MND1: variants seen among roughly 807,000 people sequenced by gnomAD.
MND1 encodes meiotic nuclear division protein 1 homolog.
A neutral mutation model predicts 35.1 loss-of-function variants in MND1; 28 were observed. The ratio of observed to expected loss-of-function variants is 0.80; its 90% CI spans 0.59 to 1.09. MND1 has a LOEUF of 1.09. MND1 is among the 50% of genes least tolerant of loss of function. The pLI, the probability that MND1 is intolerant of heterozygous loss-of-function variation, is 0.00. For missense variants in MND1, 213 were observed against 239.6 expected (o/e 0.89, Z 0.73); for synonymous variants, 69 against 70.5 (o/e 0.98, Z 0.11).
At chr4:153,363,553 A>G (rs1481430694) in intron 4 of MND1, among the ~76,000 whole-genome samples, 1 of 152,160 alleles carries the variant, frequency 6.6e-6, no homozygotes, top group Non-Finnish European at 1.5e-5. Flanking sequence ...ATGTTTTTGC[A>G]TGTTTTTTGA....
At chr4:153,354,281 T>C (rs1561055160) in intron 2 of MND1, among the ~76,000 whole-genome samples, 2 of 152,220 alleles carry the variant, frequency 1.3e-5, no homozygotes. Context: ...ATTTCCCTAT[T>C]GTTTAGGTAT....
intron 4 of MND1, among the ~76,000 whole-genome samples, chr4:153,362,638 G>T (rs1192500346): frequency 6.6e-6 from 1 of 152,104 alleles, no homozygotes; most frequent in African/African-American, 2.4e-5. Flanking sequence ...TATATTTTCA[G>T]ATTACTTAAA....
intron 4 of MND1, among the ~76,000 whole-genome samples, chr4:153,387,468 A>G (rs1728901123): frequency 6.6e-6 from 1 of 152,302 alleles, no homozygotes; most frequent in Admixed American, 6.5e-5. Flanking sequence ...TTAAATTTTA[A>G]CGTAAACAAG....
At chr4:153,364,503 T>A in intron 4 of MND1, among the ~76,000 whole-genome samples, 2 of 147,024 alleles carry the variant, frequency 1.4e-5, no homozygotes, top group African/African-American at 2.6e-5. Flanking sequence ...GGCCACAGAG[T>A]CAGACCCTGT....
At chr4:153,345,396 A>G (rs1460463365) in intron 1 of MND1, 2 of 985,416 alleles carry the variant, frequency 2.0e-6, no homozygotes, top group African/African-American at 3.5e-5. Flanking sequence ...AAAGGGCAGG[A>G]GTCGCTGCTC....
chr4:153,358,003 A>G (rs930959790), intron 3 of MND1, among the ~76,000 whole-genome samples: 1 of 152,220 alleles, frequency 6.6e-6, no homozygotes, highest in Non-Finnish European at 1.5e-5. Flanking sequence ...CTATTACTAG[A>G]TAATCTATTG....
chr4:153,383,465 A>C (rs1457628613), intron 4 of MND1, among the ~76,000 whole-genome samples: 1 of 152,226 alleles, frequency 6.6e-6, no homozygotes, highest in Admixed American at 6.5e-5. Context: ...TCCTAGGCCC[A>C]GAGAACACTG....
At chr4:153,360,489 T>G (rs561116463) in intron 4 of MND1, among the ~76,000 whole-genome samples, 1 of 152,072 alleles carries the variant, frequency 6.6e-6, no homozygotes, top group African/African-American at 2.4e-5. Flanking sequence ...TTGAGTTAAT[T>G]TTTGGGAAAG....
At chr4:153,413,007 A>G (rs1036405990) in intron 7 of MND1, among the ~76,000 whole-genome samples, 2 of 151,908 alleles carry the variant, frequency 1.3e-5, no homozygotes, top group African/African-American at 2.4e-5. Flanking sequence ...GGATTTTACT[A>G]TGTCGGCCAG....
chr4:153,357,191 TTATTA>T (rs1773367714), intron 3 of MND1, among the ~76,000 whole-genome samples: 1 of 152,316 alleles, frequency 6.6e-6, no homozygotes, highest in South Asian at 2.1e-4. Context: ...AAAACCTCTT[TTATTA>T]TGAGTATACA....
intron 1 of MND1, among the ~76,000 whole-genome samples, chr4:153,345,976 T>C (rs879673393): frequency 6.6e-6 from 1 of 152,226 alleles, no homozygotes; most frequent in Admixed American, 6.5e-5. Flanking sequence ...TCTCTACACA[T>C]GAATCACCTG....
chr4:153,345,526 C>G (rs1773054153), intron 1 of MND1: 1 of 985,326 alleles, frequency 1.0e-6, no homozygotes, highest in Non-Finnish European at 1.2e-6. Flanking sequence ...GCTTTGTGAG[C>G]TTAACGTCTT....
At chr4:153,407,062 C>A (rs1729532717) in intron 6 of MND1, among the ~76,000 whole-genome samples, 1 of 152,340 alleles carries the variant, frequency 6.6e-6, no homozygotes, top group Non-Finnish European at 1.5e-5. Flanking sequence ...CCACTGGGGT[C>A]CTCCCACAAC....
intron 4 of MND1, among the ~76,000 whole-genome samples, chr4:153,383,307 G>T (rs1429808792): frequency 6.6e-6 from 1 of 152,216 alleles, no homozygotes; most frequent in Non-Finnish European, 1.5e-5. Flanking sequence ...AAACAGAGAA[G>T]CCGGATGGTG....
chr4:153,358,701 G>A, intron 4 of MND1, 79 bp downstream of exon 4: 1 of 1,410,856 alleles, frequency 7.1e-7, no homozygotes, highest in Non-Finnish European at 9.4e-7. Context: ...TTGTTTAGCA[G>A]TTTCTTTTGA....
At chr4:153,414,351 G>A (rs1045016043) in intron 7 of MND1, among the ~76,000 whole-genome samples, 5 of 150,360 alleles carry the variant, frequency 3.3e-5, no homozygotes, top group South Asian at 2.1e-4. Flanking sequence ...GTGTGATCTC[G>A]GCTCACCACA....
rs147546304 is a variant in MND1 at position 153,375,315 on chromosome 4, A to C, written c.276+16693A>C. On this transcript the variant is annotated intron_variant, in intron 4 of 7. Transcript: ENST00000240488. ...GCATGTTTTGTATCCTTTGATTCTT[A>C]CACTTGCATGAAGTACGTATTGCTG... Among the ~76,000 whole-genome samples the C allele has an allele frequency of 3.1e-4, 47 of 152,276 alleles. No homozygotes were observed. The East Asian group carries it at 7.7e-3, about 25-fold the overall frequency.
At chr4:153,368,402 A>G (rs557773883) in intron 4 of MND1, among the ~76,000 whole-genome samples, 2 of 152,174 alleles carry the variant, frequency 1.3e-5, no homozygotes, top group African/African-American at 4.8e-5. Flanking sequence ...TTCTTCACTA[A>G]CAAAACACTT....
intron 5 of MND1, among the ~76,000 whole-genome samples, chr4:153,394,608 C>A (rs1729148863): frequency 6.6e-6 from 1 of 152,138 alleles, no homozygotes; most frequent in South Asian, 2.1e-4. Flanking sequence ...CTCTCTGCTG[C>A]AAAATGGGGA....
Sources: allele counts gnomAD v4.1 joint callset (sites outside exome capture counted in the v4.1 genomes callset), GRCh38; gene constraint gnomAD v4.1.1; transcripts MANE v1.5; gene names NCBI Gene and HGNC (gene_info 2026-07-23, HGNC 2026-07-21).